The following NUP85 variants were observed in gnomAD, a reference collection of about 807,000 sequenced individuals.
NUP85 encodes nuclear pore complex protein Nup85.
NUP85 carries 23 observed loss-of-function variants against 92.8 expected under a neutral mutation model. The observed-to-expected ratio is 0.25, with a 90% CI of 0.18 to 0.35. NUP85 has a LOEUF of 0.35. Among genes scored for constraint, NUP85 ranks in the 10% least tolerant of loss-of-function variants. The probability of loss-of-function intolerance (pLI) is 1.00; values close to 1 mark genes in which losing one functional copy is unlikely to be tolerated. For synonymous variants in NUP85, 314 were observed against 306.9 expected, an observed-to-expected ratio of 1.02 and a Z score of -0.24; for missense variants, 759 against 822.8, an observed-to-expected ratio of 0.92 and a Z score of 0.95.
intron 14 of NUP85, 46 bp from the exon 15 acceptor site, chr17:75,232,805 G>A (rs933026676): frequency 9.0e-6 from 14 of 1,553,964 alleles, no homozygotes; most frequent in Non-Finnish European, 1.2e-5. Context: ...GGAATGGAGT[G>A]ATTTGTGGAG....
intron 1 of NUP85, among the ~76,000 whole-genome samples, chr17:75,206,033 T>C (rs1057512540): frequency 3.3e-5 from 5 of 152,026 alleles, no homozygotes; most frequent in Non-Finnish European, 7.4e-5. Flanking sequence ...CTCCGTCCCT[T>C]TCCTTCCTTT....
At chr17:75,212,587 C>T (rs1441620122) in intron 4 of NUP85, among the ~76,000 whole-genome samples, 3 of 151,374 alleles carry the variant, frequency 2.0e-5, no homozygotes, top group Non-Finnish European at 2.9e-5. Context: ...ATCTTCCTAC[C>T]TCATCCTTCC....
At chr17:75,219,289 C>T (rs993297855) in intron 7 of NUP85, among the ~76,000 whole-genome samples, 23 of 152,132 alleles carry the variant, frequency 1.5e-4, no homozygotes, top group Non-Finnish European at 3.1e-4. Context: ...TTGTTGTTGT[C>T]GTTTAGAGAC....
intron 1 of NUP85, 100 bp downstream of exon 1, chr17:75,205,894 C>T (rs1432680085): frequency 2.2e-6 from 3 of 1,369,590 alleles, no homozygotes; most frequent in Middle Eastern, 1.8e-4. Flanking sequence ...TCGCGAGGCG[C>T]TCGTCCCCTT....
At chr17:75,228,911 G>C in intron 11 of NUP85, 1 of 985,370 alleles carries the variant, frequency 1.0e-6, no homozygotes, top group South Asian at 4.7e-5. Flanking sequence ...TCAGTGCCTG[G>C]GTGGGCATGC....
In NUP85 at chr17:75,231,104, G is replaced by A. The variant is rs983821691; in HGVS notation, c.1095-236G>A. On this transcript the variant is annotated intron_variant, in intron 11 of 18. Coordinates refer to ENST00000245544, the MANE Select transcript of NUP85 (RefSeq NM_024844.5). This position sits in a 1 kb window ranked among gnomAD's most constrained non-coding sequence, Gnocchi z 4.6. ...GTGCCACCATGCCTGGCTAATTTTT[G>A]TATTTGTAGAGATGGGGTTTTGCCA... 1.2e-5 allele frequency: 6 copies of A among 493,058 alleles called. No individual in the cohort carries two copies. Among genetic ancestry groups the A allele is most frequent in the African/African-American group, 9.8e-5 (5 of 51,184 alleles). The allele number at this position is 493,058 out of a possible 1,614,324, so 30.5% of individuals were successfully genotyped here. A position where few individuals can be genotyped will look rare whatever the true frequency, so the allele number is the denominator to read the frequency against.
rs12946479 is a variant in NUP85, at chr17:75,212,087, C to T, written c.361+25C>T. On this transcript the variant is annotated intron_variant, in intron 4 of 18. Coordinates refer to ENST00000245544, the MANE Select transcript of NUP85 (RefSeq NM_024844.5). ...AGTAAGGACTGTGTGCGCGTGCGCG[C>T]GTGTGTGTGTGTGTGTGTGTGTGGG... 818,518 of 1,167,676 alleles carry T rather than the reference C, an allele frequency of 0.7. 287,492 individuals are homozygous for T. The highest frequency in any genetic ancestry group is 0.86 in the East Asian group (33,908 of 39,274). The allele number at this position is 1,167,676 out of a possible 1,614,324, so 72.3% of individuals were successfully genotyped here.
rs767411881 is a variant in NUP85 at position 75,235,757 on chromosome 17, T to C, written c.*78T>C. ...AAGAATAAATGTTGTTTTGCAAATGTAGGTTCTTAGAGTCCACCCAGGGAA... is the reference window on the plus strand; with the variant it reads ...AAGAATAAATGTTGTTTTGCAAATGCAGGTTCTTAGAGTCCACCCAGGGAA... On this transcript the variant is annotated 3_prime_UTR_variant, in exon 19 of 19. Transcript: ENST00000245544. 5.5e-5 allele frequency: 61 copies of C among 1,115,992 alleles called. No individual in the cohort carries two copies. The highest frequency in any genetic ancestry group is 7.6e-5 in the Non-Finnish European group (57 of 750,678). The allele number at this position is 1,115,992 out of a possible 1,614,324, so 69.1% of individuals were successfully genotyped here.
intron 7 of NUP85, among the ~76,000 whole-genome samples, chr17:75,220,378 C>G (rs1249278138): frequency 6.6e-6 from 1 of 151,814 alleles, no homozygotes; most frequent in African/African-American, 2.4e-5. Context: ...CCACCTTGGC[C>G]TCCCAAAGTG....
intron 2 of NUP85, among the ~76,000 whole-genome samples, chr17:75,209,134 C>T (rs2075179301): frequency 6.6e-6 from 1 of 152,040 alleles, no homozygotes; most frequent in East Asian, 1.9e-4. Flanking sequence ...AGCTTTTTAT[C>T]CCTTTTTCTT....
chr17:75,216,960 A>G (rs1195227964), intron 6 of NUP85, among the ~76,000 whole-genome samples: 1 of 152,062 alleles, frequency 6.6e-6, no homozygotes, highest in Non-Finnish European at 1.5e-5. Flanking sequence ...AATCACAGCT[A>G]TTGCAGTCTG....
In NUP85 at chr17:75,231,837, G is replaced by T; in HGVS notation, c.1254G>T (p.Gln418His). ...CCTCGAACCTTTGCAGCCTGTGGCA[G>T]CTGGGGGTCGATTACTTTGATTACT... ...SGLFAHPSLWQLGVDYFDYCP... is the reference protein window; with the variant it reads ...SGLFAHPSLWHLGVDYFDYCP... Residue 418 changes from glutamine to histidine, a missense_variant, in exon 14 of 19, where the codon CAG (glutamine) becomes CAT (histidine). Transcript: ENST00000245544. The surrounding 1 kb of genome is among the most constrained non-coding windows in gnomAD (Gnocchi z 4.6). 6.2e-7 allele frequency: 1 copy of T among 1,614,110 alleles called. No individual in the cohort carries two copies.
intron 4 of NUP85, 134 bp from the exon 5 acceptor site, chr17:75,212,940 TAA>T: frequency 2.3e-6 from 2 of 866,838 alleles, no homozygotes; most frequent in Non-Finnish European, 1.8e-6. Flanking sequence ...AATCCATAAT[TAA>T]AAGAGATTAT....
intron 16 of NUP85, among the ~76,000 whole-genome samples, chr17:75,234,429 C>T (rs1471254628): frequency 6.6e-6 from 1 of 152,162 alleles, no homozygotes; most frequent in Non-Finnish European, 1.5e-5. Context: ...TTTGGCTCTT[C>T]GGAGTTCTTC....
rs559681053 is a variant in NUP85 at position 75,225,380 on chromosome 17, G to C, written c.771G>C (p.Lys257Asn). 6.2e-7 allele frequency: 1 copy of C among 1,614,242 alleles called. No individual in the cohort carries two copies. The highest frequency in any genetic ancestry group is 1.1e-5 in the South Asian group (1 of 91,092). Residue 257 changes from lysine to asparagine, a missense_variant, in exon 9 of 19, where the codon AAG (lysine) becomes AAC (asparagine). Physicochemically the swap from Lys to Asn is moderately conservative, Grantham distance 94. Transcript: ENST00000245544. Reference sequence around the variant, plus strand: ...AGACACTGACAGAGCTGGAGCTGAAGTGGCAGCACTGGCACGAGGAATGTG... The same window carrying C: ...AGACACTGACAGAGCTGGAGCTGAACTGGCAGCACTGGCACGAGGAATGTG... Reference protein sequence around the residue: ...NTQTLTELELKWQHWHEECER... With the variant: ...NTQTLTELELNWQHWHEECER...
At chr17:75,217,013 G>A (rs564479254) in intron 6 of NUP85, among the ~76,000 whole-genome samples, 4 of 152,040 alleles carry the variant, frequency 2.6e-5, no homozygotes, top group African/African-American at 9.6e-5. Context: ...AGCCTCCTGA[G>A]TAGCTGGGAC....
chr17:75,216,703 T>C (rs142020389), intron 6 of NUP85, among the ~76,000 whole-genome samples: 2 of 152,324 alleles, frequency 1.3e-5, no homozygotes, highest in Non-Finnish European at 2.9e-5. Context: ...GTAACCTCTG[T>C]GTAGCCCTAG....
At chr17:75,230,182 A>G (rs1384886604) in intron 11 of NUP85, among the ~76,000 whole-genome samples, 2 of 151,618 alleles carry the variant, frequency 1.3e-5, no homozygotes, top group African/African-American at 2.4e-5. Context: ...AGCTGGGACC[A>G]CAGGCACACG....
At position 75,210,003 on chromosome 17, in the gene NUP85, T is replaced by A. The variant is rs1598264656; in HGVS notation, c.290+18T>A. On this transcript the variant is annotated intron_variant, in intron 3 of 18. Coordinates refer to ENST00000245544, the MANE Select transcript of NUP85 (RefSeq NM_024844.5). ...AAATCTCAGTAAGTTGGTTGCTGTT[T>A]GGTGTTGAAGCCCACACTACACTGT... The A allele has an allele frequency of 1.3e-6, 2 of 1,589,396 alleles. No homozygotes were observed. The highest frequency in any genetic ancestry group is 2.2e-5 in the East Asian group (1 of 44,622).
Sources: allele counts gnomAD v4.1 joint callset (sites outside exome capture counted in the v4.1 genomes callset), GRCh38; gene constraint gnomAD v4.1.1; non-coding constraint Gnocchi (gnomAD v3.1); transcripts MANE v1.5; gene names NCBI Gene and HGNC (gene_info 2026-07-23, HGNC 2026-07-21).